SMAP1: variants seen among roughly 807,000 people sequenced by gnomAD.
The protein encoded by SMAP1 is small ArfGAP 1.
A neutral mutation model predicts 58.5 loss-of-function variants in SMAP1; 24 were observed. That is an observed-to-expected ratio of 0.41 (90% CI 0.30 to 0.58). The LOEUF (loss-of-function observed/expected upper bound fraction) is 0.58, where lower values mean the gene tolerates loss of function less well. Among genes scored for constraint, SMAP1 ranks in the 20% least tolerant of loss-of-function variants. SMAP1 has a pLI of 0.29. For synonymous variants in SMAP1, 216 were observed against 196.6 expected (o/e 1.10, Z -0.82); for missense variants, 563 against 566.3 (o/e 0.99, Z 0.06).
chr6:70,758,545 A>G (rs1355021492), intron 3 of SMAP1, among the ~76,000 whole-genome samples: 2 of 152,032 alleles, frequency 1.3e-5, no homozygotes, highest in South Asian at 2.1e-4. Flanking sequence ...AAATAAAAAT[A>G]AAAACACATG....
At chr6:70,702,058 C>T (rs1027855290) in intron 1 of SMAP1, among the ~76,000 whole-genome samples, 1 of 152,104 alleles carries the variant, frequency 6.6e-6, no homozygotes, top group East Asian at 1.9e-4. Context: ...TGTGAGTTTC[C>T]GTTGATTTTG....
chr6:70,762,799 TC>T (rs1319719497), intron 3 of SMAP1, among the ~76,000 whole-genome samples: 2 of 152,124 alleles, frequency 1.3e-5, no homozygotes, highest in East Asian at 3.8e-4. Flanking sequence ...AATGTATACT[TC>T]CTAGAGATAA....
intron 1 of SMAP1, among the ~76,000 whole-genome samples, chr6:70,729,459 T>TTG (rs35058846): frequency 0.2 from 25,154 of 127,988 alleles, 2,507 homozygotes; most frequent in Middle Eastern, 0.23. Flanking sequence ...AAAAAGAAGG[T>TTG]TGTGTGTGTG....
chr6:70,837,169 A>ACCC (rs1770623989), intron 7 of SMAP1, 141 bp downstream of exon 7: 2 of 533,474 alleles, frequency 3.7e-6, no homozygotes, highest in Non-Finnish European at 6.2e-6. Context: ...TTAGTTTGCT[A>ACCC]ACTTCCCACA....
chr6:70,844,252 ACAAT>A (rs1429918046), intron 7 of SMAP1, among the ~76,000 whole-genome samples: 4 of 152,172 alleles, frequency 2.6e-5, no homozygotes, highest in Non-Finnish European at 5.9e-5. Context: ...TATTTTTTAA[ACAAT>A]CAGTTCTACA....
intron 1 of SMAP1, among the ~76,000 whole-genome samples, chr6:70,682,565 G>T (rs149023640): frequency 1.6e-4 from 25 of 152,278 alleles, no homozygotes; most frequent in South Asian, 8.3e-4. Flanking sequence ...CCTCTCCACT[G>T]ATTGGTATGT....
intron 7 of SMAP1, among the ~76,000 whole-genome samples, chr6:70,843,129 G>A (rs981770567): frequency 2.0e-5 from 3 of 151,348 alleles, no homozygotes; most frequent in African/African-American, 7.3e-5. Flanking sequence ...TTAGGGTAGA[G>A]AGTATTTTAC....
At chr6:70,771,715 A>T (rs921117710) in intron 3 of SMAP1, among the ~76,000 whole-genome samples, 4 of 152,046 alleles carry the variant, frequency 2.6e-5, no homozygotes, top group African/African-American at 7.2e-5. Flanking sequence ...GAGTGAGGCA[A>T]TGCCTCTCCC....
intron 3 of SMAP1, 27 bp downstream of exon 3, chr6:70,755,092 A>T: frequency 6.5e-7 from 1 of 1,542,102 alleles, no homozygotes. Context: ...ATTTGTTTTG[A>T]GTTTAAAAAA....
intron 6 of SMAP1, among the ~76,000 whole-genome samples, chr6:70,817,250 C>T (rs1166371589): frequency 6.6e-6 from 1 of 151,874 alleles, no homozygotes; most frequent in Admixed American, 6.6e-5. Flanking sequence ...CTCACCACAC[C>T]TTAGGACCTT....
chr6:70,743,803 T>G (rs1765909022), intron 2 of SMAP1, among the ~76,000 whole-genome samples: 1 of 152,196 alleles, frequency 6.6e-6, no homozygotes, highest in South Asian at 2.1e-4. Context: ...GGGAGCAGCC[T>G]ATAGCATTGG....
chr6:70,800,703 T>C (rs1320621426), intron 6 of SMAP1, among the ~76,000 whole-genome samples: 1 of 151,030 alleles, frequency 6.6e-6, no homozygotes, highest in Non-Finnish European at 1.5e-5. Context: ...TGTGTGATGT[T>C]CCCTGCCCTG....
chr6:70,752,412 T>A (rs904840530), intron 2 of SMAP1, among the ~76,000 whole-genome samples: 2 of 152,246 alleles, frequency 1.3e-5, no homozygotes, highest in African/African-American at 4.8e-5. Context: ...TTACTTAACA[T>A]CTTTACAGAT....
chr6:70,671,585 A>G (rs939822858), intron 1 of SMAP1, among the ~76,000 whole-genome samples: 1 of 152,106 alleles, frequency 6.6e-6, no homozygotes, highest in Non-Finnish European at 1.5e-5. Context: ...CTCAGGGAAA[A>G]ACAAAAACAA....
chr6:70,770,770 A>T (rs1341761892), intron 3 of SMAP1, among the ~76,000 whole-genome samples: 2 of 151,964 alleles, frequency 1.3e-5, no homozygotes, highest in East Asian at 3.9e-4. Context: ...TTCTCTGTCC[A>T]CCATTGTTCC....
chr6:70,853,083 CTG>C (rs1771249846), intron 8 of SMAP1, among the ~76,000 whole-genome samples: 1 of 152,142 alleles, frequency 6.6e-6, no homozygotes, highest in Non-Finnish European at 1.5e-5. Context: ...GCTTTTAAAA[CTG>C]TGGCTGTTTG....
intron 1 of SMAP1, among the ~76,000 whole-genome samples, chr6:70,687,017 G>C (rs1333567385): frequency 6.6e-6 from 1 of 152,060 alleles, no homozygotes; most frequent in Non-Finnish European, 1.5e-5. Context: ...TTTTCTGTAA[G>C]TTCTAGGTTT....
chr6:70,710,953 C>T (rs1768033909), intron 1 of SMAP1, among the ~76,000 whole-genome samples: 1 of 152,088 alleles, frequency 6.6e-6, no homozygotes, highest in South Asian at 2.1e-4. Context: ...TTCAGTATCC[C>T]TCTTTCACCT....
At chr6:70,774,275 T>C (rs547722694) in intron 4 of SMAP1, among the ~76,000 whole-genome samples, 34 of 152,336 alleles carry the variant, frequency 2.2e-4, no homozygotes, top group African/African-American at 7.9e-4. Context: ...ATCAGCTGTT[T>C]CTTTTTAGTT....
Sources: allele counts gnomAD v4.1 joint callset (sites outside exome capture counted in the v4.1 genomes callset), GRCh38; gene constraint gnomAD v4.1.1; transcripts MANE v1.5; gene names NCBI Gene and HGNC (gene_info 2026-07-23, HGNC 2026-07-21).